DCAF10: variants seen among roughly 807,000 people sequenced by gnomAD.
DCAF10 encodes the protein DDB1- and CUL4-associated factor 10.
Under a neutral mutation model 51.9 loss-of-function variants are expected in DCAF10, and 19 were observed. That is an observed-to-expected ratio of 0.37 (90% CI 0.26 to 0.54). DCAF10 has a LOEUF of 0.54. Ranked by LOEUF, DCAF10 falls within the 20% of genes least tolerant of loss-of-function variation. The probability of loss-of-function intolerance (pLI) is 0.87; values close to 1 mark genes in which losing one functional copy is unlikely to be tolerated. For missense variants in DCAF10, 510 were observed against 730.6 expected, an observed-to-expected ratio of 0.70 and a Z score of 3.48; for synonymous variants, 291 against 297.1, an observed-to-expected ratio of 0.98 and a Z score of 0.21.
chr9:37,819,161 T>C, intron 1 of DCAF10, 127 bp from the exon 2 acceptor site: 1 of 645,366 alleles, frequency 1.5e-6, no homozygotes, highest in Non-Finnish European at 2.7e-6. Context: ...CTTTTAAACA[T>C]TTGCTACTAA....
In DCAF10 at chr9:37,864,020, TC is replaced by T; in HGVS notation, c.*2513del. The T allele has an allele frequency of 6.8e-6, 1 of 147,436 alleles. No homozygotes were observed. The highest frequency in any genetic ancestry group is 1.5e-5 in the Non-Finnish European group (1 of 66,528). The allele number at this position is 147,436 out of a possible 1,614,324, so 9.1% of individuals were successfully genotyped here. A position where few individuals can be genotyped will look rare whatever the true frequency, so the allele number is the denominator to read the frequency against. On this transcript the variant is annotated 3_prime_UTR_variant, in exon 7 of 7. Coordinates refer to ENST00000377724, the MANE Select transcript of DCAF10 (RefSeq NM_024345.5). ...AGAAAATAGGGATGGGTATGGTGGC[TC>T]ACGTCTGTAATCCCAGCACTTTGGG...
In DCAF10 at chr9:37,861,333, A is replaced by G. The variant is rs200328443; in HGVS notation, c.1505A>G (p.Lys502Arg). ...GYGIRLLGFD[K>R]QCSELVDCLP... is the part of the protein sequence containing the mutation. ...GGGATTCGCTTGTTGGGATTTGACA[A>G]ACAGTGCAGTGAACTTGTTGACTGC... The change falls in exon 7 of 7, where the codon AAA becomes AGA. Residue 502 changes from lysine (K) to arginine (R), a missense_variant. Physicochemically the swap from Lys to Arg is conservative, Grantham distance 26. Transcript: ENST00000377724. This position sits in a 1 kb window ranked among gnomAD's most constrained non-coding sequence, Gnocchi z 4.9. The G allele has an allele frequency of 4.3e-6, 7 of 1,614,104 alleles. No individual in the cohort carries two copies. Among genetic ancestry groups the G allele is most frequent in the Non-Finnish European group, 8.5e-7 (1 of 1,180,048 alleles).
At chr9:37,809,601 A>T (rs934366549) in intron 1 of DCAF10, among the ~76,000 whole-genome samples, 1 of 152,238 alleles carries the variant, frequency 6.6e-6, no homozygotes, top group Admixed American at 6.5e-5. Context: ...TGGGAGGCCG[A>T]GGCGGGTGGA....
intron 1 of DCAF10, among the ~76,000 whole-genome samples, chr9:37,805,755 T>C (rs919370831): frequency 2.6e-5 from 4 of 151,998 alleles, no homozygotes; most frequent in East Asian, 3.9e-4. Context: ...ACATTACTAG[T>C]TGCAATAACT....
intron 1 of DCAF10, among the ~76,000 whole-genome samples, chr9:37,812,308 C>T (rs1829373418): frequency 6.6e-6 from 1 of 151,940 alleles, no homozygotes; most frequent in Admixed American, 6.6e-5. Context: ...TAAAGCCACA[C>T]TTAGCTACAA....
intron 3 of DCAF10, among the ~76,000 whole-genome samples, chr9:37,845,647 C>T (rs2118068556): frequency 6.6e-6 from 1 of 152,320 alleles, no homozygotes. Flanking sequence ...GAGTTACCCT[C>T]TGACACCCTC....
Position 37,860,288 on chromosome 9 carries a change from CT to C in DCAF10, c.1311+96del, listed in dbSNP as rs377024806. ...TTAGGCCGATCGCTGACTGCAGTCT[CT>C]GCCTTCAAGGGCATACTGCTAGAGA... On this transcript the variant is annotated intron_variant, in intron 6 of 6. Coordinates refer to ENST00000377724, the MANE Select transcript of DCAF10 (RefSeq NM_024345.5). 3.1e-4 allele frequency: 465 copies of C among 1,516,860 alleles called. 1 individual carries two copies. The African/African-American group carries it at 5.3e-3, about 17-fold the overall frequency. The allele number at this position is 1,516,860 out of a possible 1,614,324, so 94.0% of individuals were successfully genotyped here. A position where few individuals can be genotyped will look rare whatever the true frequency, so the allele number is the denominator to read the frequency against.
rs1372983182 is a variant in DCAF10, at chr9:37,866,623, G to C, written c.*5115G>C. The C allele has an allele frequency of 1.3e-5, 2 of 152,446 alleles. No homozygotes were observed. Among genetic ancestry groups the C allele is most frequent in the African/African-American group, 4.8e-5 (2 of 41,422 alleles). 9.4% of individuals were successfully genotyped at this position (152,446 alleles called of 1,614,324 possible). A position where few individuals can be genotyped will look rare whatever the true frequency, so the allele number is the denominator to read the frequency against. On this transcript the variant is annotated 3_prime_UTR_variant, in exon 7 of 7. Coordinates refer to ENST00000377724, the MANE Select transcript of DCAF10 (RefSeq NM_024345.5). ...TTCAGAGTGTCTACAGTAAGAGCTGGACAAACTCTGGGGGGACACAGTCTT... is the reference window on the plus strand; with the variant it reads ...TTCAGAGTGTCTACAGTAAGAGCTGCACAAACTCTGGGGGGACACAGTCTT...
intron 2 of DCAF10, among the ~76,000 whole-genome samples, chr9:37,824,550 A>C (rs1012978550): frequency 4.0e-5 from 6 of 148,776 alleles, no homozygotes; most frequent in African/African-American, 1.5e-4. Flanking sequence ...ATAGTTTAAA[A>C]AAGTAAAAAA....
chr9:37,840,358 T>G (rs1406328326), intron 2 of DCAF10, among the ~76,000 whole-genome samples: 2 of 152,218 alleles, frequency 1.3e-5, no homozygotes, highest in African/African-American at 4.8e-5. Flanking sequence ...TCTGTTCCTG[T>G]TATTGCCCCT....
intron 2 of DCAF10, among the ~76,000 whole-genome samples, chr9:37,832,848 C>T (rs920092354): frequency 1.3e-5 from 2 of 152,070 alleles, no homozygotes; most frequent in African/African-American, 4.8e-5. Flanking sequence ...ACAGAAATGA[C>T]TCTCTGTTTT....
chr9:37,842,281 T>C lies in DCAF10; in HGVS notation c.846T>C (p.Thr282=). The C allele has an allele frequency of 6.2e-7, 1 of 1,612,090 alleles. No individual in the cohort carries two copies. The highest frequency in any genetic ancestry group is 8.5e-7 in the Non-Finnish European group (1 of 1,179,376). ...ATGGAAATGTCATTATTTGGGACAC[T>C]AACAGGTTTGTGAATAGGAGACCAT... The part of the protein sequence containing the change: ...GFDGNVIIWD[T]NRYTEDGCPH... Residue 282 remains threonine (T), a synonymous_variant, in exon 3 of 7, where the codon ACT becomes ACC. Coordinates refer to ENST00000377724, the MANE Select transcript of DCAF10 (RefSeq NM_024345.5).
rs1831076639 is a variant in DCAF10, at chr9:37,863,809, CAACT to C, written c.*2307_*2310del. The C allele has an allele frequency of 6.6e-6, 1 of 152,116 alleles. No individual in the cohort carries two copies. Among genetic ancestry groups the C allele is most frequent in the African/African-American group, 2.4e-5 (1 of 41,404 alleles). 9.4% of individuals were successfully genotyped at this position (152,116 alleles called of 1,614,324 possible). On this transcript the variant is annotated 3_prime_UTR_variant, in exon 7 of 7. Coordinates refer to ENST00000377724, the MANE Select transcript of DCAF10 (RefSeq NM_024345.5). The stretch of plus-strand genomic sequence containing the variant: ...AATGACATTTCTTTGTAGGACCTGC[CAACT>C]AACTATTCACACACATTTATAGAGG...
rs13289071 is a variant in DCAF10 at position 37,846,333 on chromosome 9, T to A, written c.851+4047T>A. Among the ~76,000 whole-genome samples, 592 of 152,232 alleles carry A rather than the reference T, an allele frequency of 3.9e-3. 3 individuals are homozygous for A. The highest frequency in any genetic ancestry group is 5.8e-3 in the Non-Finnish European group (397 of 68,014). On this transcript the variant is annotated intron_variant, in intron 3 of 6. Coordinates refer to ENST00000377724, the MANE Select transcript of DCAF10 (RefSeq NM_024345.5). ...AGAGAGGAGATATCATAACCAACCT[T>A]ACAGAAATTAAAAGGATTAATAAGG...
intron 1 of DCAF10, among the ~76,000 whole-genome samples, chr9:37,802,718 C>T (rs1278325871): frequency 2.6e-5 from 4 of 152,104 alleles, no homozygotes; most frequent in Admixed American, 2.0e-4. Context: ...GGGGTCTCAA[C>T]AGCAATTGGT....
chr9:37,823,083 A>C (rs993273143), intron 2 of DCAF10, among the ~76,000 whole-genome samples: 4 of 152,242 alleles, frequency 2.6e-5, no homozygotes, highest in Admixed American at 2.6e-4. Flanking sequence ...TATAGCACTT[A>C]AAATTCACAC....
chr9:37,855,029 A>G, intron 4 of DCAF10, 47 bp downstream of exon 4: 1 of 1,523,466 alleles, frequency 6.6e-7, no homozygotes, highest in Non-Finnish European at 8.9e-7. Context: ...GAGAATCTCA[A>G]ACATAGAGAT....
At chr9:37,838,901 C>T (rs1014872056) in intron 2 of DCAF10, among the ~76,000 whole-genome samples, 1 of 151,852 alleles carries the variant, frequency 6.6e-6, no homozygotes, top group African/African-American at 2.4e-5. Flanking sequence ...AAAAAGGTTT[C>T]AGTTCTTCAT....
chr9:37,834,058 G>C lies in DCAF10; in HGVS notation c.654-8031G>C, dbSNP rs189488522. 1.7e-3 allele frequency among the ~76,000 whole-genome samples: 259 copies of C among 152,250 alleles called. 1 individual carries two copies. Among genetic ancestry groups the C allele is most frequent in the African/African-American group, 5.5e-3 (230 of 41,524 alleles). On this transcript the variant is annotated intron_variant, in intron 2 of 6. Transcript: ENST00000377724. ...CAGCTCAAGCGATTCTCCTGCGTCA[G>C]CCTCCCGAGTAGCTGATATTACAGG...
Sources: gnomAD v4.1 joint callset for allele counts (sites outside exome capture counted in the v4.1 genomes callset) on GRCh38, gnomAD v4.1.1 for gene constraint, Gnocchi (gnomAD v3.1) non-coding constraint, MANE v1.5 for transcripts, NCBI Gene and HGNC (gene_info 2026-07-23, HGNC 2026-07-21) for gene names.